LOC128125822: variants seen among roughly 807,000 people sequenced by gnomAD.
the LOC128125822 span, among the ~76,000 whole-genome samples, chr6:63,577,349 C>T: frequency 6.6e-6 from 1 of 152,120 alleles, no homozygotes; most frequent in Non-Finnish European, 1.5e-5. Context: ...TTCTTGAACC[C>T]CATCTGATGC....
the LOC128125822 span, chr6:63,579,268 T>C: frequency 6.2e-7 from 1 of 1,610,800 alleles, no homozygotes; most frequent in Non-Finnish European, 8.5e-7. Context: ...GCTCCAGTAC[T>C]TGTTGCCCTA....
the LOC128125822 span, among the ~76,000 whole-genome samples, chr6:63,578,025 G>C: frequency 6.6e-6 from 1 of 152,008 alleles, no homozygotes; most frequent in South Asian, 2.1e-4. Context: ...GAGTATAATT[G>C]AGTGAAGTCA....
At chr6:63,581,644 A>G in the LOC128125822 span, 7 of 152,158 alleles carry the variant, frequency 4.6e-5, no homozygotes, top group African/African-American at 1.7e-4. Flanking sequence ...AGCACTTTCC[A>G]TTATATACTT....
the LOC128125822 span, among the ~76,000 whole-genome samples, chr6:63,573,002 C>T: frequency 1.4e-4 from 22 of 152,108 alleles, no homozygotes; most frequent in Non-Finnish European, 3.1e-4. Context: ...ACGGGGGCGG[C>T]GCGGTCCGGC....
chr6:63,580,272 C>G, the LOC128125822 span: 1 of 991,664 alleles, frequency 1.0e-6, no homozygotes, highest in African/African-American at 1.6e-5. Context: ...TCTAATGAAG[C>G]TTCCATAGGA....
the LOC128125822 span, chr6:63,580,004 A>G: frequency 2.0e-3 from 2,615 of 1,333,802 alleles, 11 homozygotes; most frequent in Non-Finnish European, 2.5e-3. Context: ...GACACTAAAT[A>G]TTACTGTAGG....
the LOC128125822 span, chr6:63,582,822 T>C: frequency 1.3e-5 from 2 of 152,300 alleles, no homozygotes; most frequent in South Asian, 4.2e-4. Flanking sequence ...GTGCCCTCTT[T>C]TCCCTAGGGC....
the LOC128125822 span, chr6:63,578,645 C>T: frequency 2.2e-6 from 3 of 1,371,376 alleles, no homozygotes; most frequent in Non-Finnish European, 2.9e-6. Context: ...AAGCTAAAAA[C>T]AAATATTATA....
the LOC128125822 span, chr6:63,576,663 A>G: frequency 3.5e-6 from 2 of 574,174 alleles, no homozygotes; most frequent in Non-Finnish European, 6.1e-6. Flanking sequence ...ACCTCAGTGC[A>G]CTTCTTTTCT....
At chr6:63,580,651 A>G in the LOC128125822 span, 1 of 153,428 alleles carries the variant, frequency 6.5e-6, no homozygotes, top group Admixed American at 6.5e-5. Flanking sequence ...TAGGGCCTAC[A>G]TGGTTATTTG....
chr6:63,579,071 A>G, the LOC128125822 span: 2 of 1,520,870 alleles, frequency 1.3e-6, no homozygotes, highest in Non-Finnish European at 1.8e-6. Flanking sequence ...AAATCTATTG[A>G]TAATGAAAAT....
At chr6:63,580,222 A>C in the LOC128125822 span, 3 of 1,387,880 alleles carry the variant, frequency 2.2e-6, no homozygotes, top group Admixed American at 3.4e-5. Context: ...GATAGGGCCT[A>C]ATTTGTTATA....
At chr6:63,574,560 C>A in the LOC128125822 span, among the ~76,000 whole-genome samples, 1 of 152,180 alleles carries the variant, frequency 6.6e-6, no homozygotes, top group Non-Finnish European at 1.5e-5. Flanking sequence ...TCTTTCTCTG[C>A]TTCCTGATGA....
At chr6:63,577,706 G>A in the LOC128125822 span, among the ~76,000 whole-genome samples, 1 of 152,024 alleles carries the variant, frequency 6.6e-6, no homozygotes, top group Non-Finnish European at 1.5e-5. Context: ...ACAGGCGTAC[G>A]CCACCTTGCC....
At chr6:63,578,865 G>T in the LOC128125822 span, 1 of 1,467,826 alleles carries the variant, frequency 6.8e-7, no homozygotes, top group South Asian at 1.4e-5. Flanking sequence ...TTATATTAAT[G>T]ATCTAAAATG....
At chr6:63,576,056 C>T in the LOC128125822 span, among the ~76,000 whole-genome samples, 3 of 150,080 alleles carry the variant, frequency 2.0e-5, no homozygotes, top group Non-Finnish European at 3.0e-5. Flanking sequence ...AAACAACTAT[C>T]GAAAGGGATA....
chr6:63,578,675 T>C, the LOC128125822 span: 2 of 1,303,740 alleles, frequency 1.5e-6, no homozygotes, highest in Non-Finnish European at 2.0e-6. Flanking sequence ...AGAATCTTAA[T>C]TTCTAAATAA....
chr6:63,572,998 G>A, the LOC128125822 span, among the ~76,000 whole-genome samples: 2 of 152,136 alleles, frequency 1.3e-5, no homozygotes, highest in Admixed American at 6.5e-5. Context: ...AGCGACGGGG[G>A]CGGCGCGGTC....
the LOC128125822 span, chr6:63,576,298 T>G: frequency 2.6e-6 from 1 of 386,804 alleles, no homozygotes; most frequent in Non-Finnish European, 4.6e-6. Context: ...GTTTTGCAAT[T>G]CAAGTAAAAG....
Sources: allele counts gnomAD v4.1 joint callset (sites outside exome capture counted in the v4.1 genomes callset), GRCh38; gene constraint gnomAD v4.1.1; transcripts MANE v1.5.